HDGFL3: variants seen among roughly 807,000 people sequenced by gnomAD.
The protein encoded by HDGFL3 is HDGF like 3.
A neutral mutation model predicts 27.6 loss-of-function variants in HDGFL3; 6 were observed. That is an observed-to-expected ratio of 0.22 (90% CI 0.12 to 0.43). The LOEUF is 0.43. HDGFL3 is among the 20% of genes least tolerant of loss of function. HDGFL3 has a pLI of 1.00. For synonymous variants in HDGFL3, 88 were observed against 88.9 expected, an observed-to-expected ratio of 0.99 and a Z score of 0.05; for missense variants, 207 against 250.1, an observed-to-expected ratio of 0.83 and a Z score of 1.16.
rs565161431 is a variant in HDGFL3, at chr15:83,192,604, G to A, written c.84+14727C>T. Among the ~76,000 whole-genome samples the A allele has an allele frequency of 3.9e-5, 6 of 152,308 alleles. No individual in the cohort carries two copies. In the South Asian group the frequency reaches 1.2e-3, roughly 32 times the overall value. ...GGAACATAAATGTCCAGAAAAGACA[G>A]CATTTTTTGGATAATTTTTTCAGAA... On this transcript the variant is annotated intron_variant, in intron 1 of 5. Coordinates refer to ENST00000299633, the MANE Select transcript of HDGFL3 (RefSeq NM_016073.4).
downstream of HDGFL3, chr15:83,126,632 A>G (rs1332667697): frequency 1.4e-6 from 1 of 725,194 alleles, no homozygotes. Context: ...GAGCCTCTAC[A>G]ATGCATACGT....
intron 5 of HDGFL3, among the ~76,000 whole-genome samples, chr15:83,145,810 C>A (rs1329036385): frequency 2.1e-5 from 3 of 145,050 alleles, no homozygotes; most frequent in African/African-American, 7.6e-5. Flanking sequence ...TGCCAAAGAT[C>A]TTGTCTTCTA....
At position 83,151,737 on chromosome 15, in the gene HDGFL3, G is replaced by A. The variant is rs986611523; in HGVS notation, c.460-376C>T. Among the ~76,000 whole-genome samples the A allele has an allele frequency of 5.9e-5, 9 of 152,308 alleles. No homozygotes were observed. The South Asian group carries it at 1.9e-3, about 32-fold the overall frequency. On this transcript the variant is annotated intron_variant, in intron 4 of 5. Coordinates refer to ENST00000299633, the MANE Select transcript of HDGFL3 (RefSeq NM_016073.4). Reference sequence around the variant, plus strand: ...TGGAAGGTACCCTAAAGGTCATCTTGTCCTCCCCATCATTTTATAGTAGTG... The same window carrying A: ...TGGAAGGTACCCTAAAGGTCATCTTATCCTCCCCATCATTTTATAGTAGTG...
At chr15:83,202,295 T>C (rs748432543) in intron 1 of HDGFL3, among the ~76,000 whole-genome samples, 46 of 152,156 alleles carry the variant, frequency 3.0e-4, no homozygotes, top group Non-Finnish European at 6.3e-4. Flanking sequence ...CTTGAAGCTA[T>C]ATAAATAGGA....
chr15:83,189,012 C>T (rs914819294), intron 1 of HDGFL3, among the ~76,000 whole-genome samples: 3 of 152,086 alleles, frequency 2.0e-5, no homozygotes, highest in Non-Finnish European at 4.4e-5. Flanking sequence ...ATTTATTCCT[C>T]CCCCTCACAG....
intron 1 of HDGFL3, among the ~76,000 whole-genome samples, chr15:83,205,417 A>G (rs1388176795): frequency 6.6e-6 from 1 of 152,110 alleles, no homozygotes; most frequent in Admixed American, 6.6e-5. Flanking sequence ...CTAAAAACTT[A>G]ATTTTGTTTC....
At chr15:83,199,902 C>T (rs763376999) in intron 1 of HDGFL3, among the ~76,000 whole-genome samples, 8 of 151,478 alleles carry the variant, frequency 5.3e-5, no homozygotes, top group East Asian at 1.9e-4. Flanking sequence ...AAAAATTAGC[C>T]GGGCATGGTG....
At chr15:83,147,290 G>A (rs1312442180) in intron 5 of HDGFL3, among the ~76,000 whole-genome samples, 1 of 152,026 alleles carries the variant, frequency 6.6e-6, no homozygotes, top group Non-Finnish European at 1.5e-5. Flanking sequence ...TCGATCTCTT[G>A]ATCTCGTGAT....
intron 1 of HDGFL3, among the ~76,000 whole-genome samples, chr15:83,195,830 T>C (rs1349674035): frequency 2.0e-5 from 3 of 152,100 alleles, no homozygotes; most frequent in Non-Finnish European, 4.4e-5. Context: ...CATATACTTA[T>C]ATCTTAAAAC....
In HDGFL3 at chr15:83,181,576, A is replaced by G. The variant is rs1479108495; in HGVS notation, c.85-17501T>C. Among the ~76,000 whole-genome samples, 5 of 152,260 alleles carry G rather than the reference A, an allele frequency of 3.3e-5. No individual in the cohort carries two copies. In the East Asian group the frequency reaches 9.6e-4, roughly 29 times the overall value. The stretch of plus-strand genomic sequence containing the variant: ...CTGCAGCCTCCGCCTCCTGGGTTCA[A>G]GTGGTTCTCCTGCCTCAGCCTTCCG... On this transcript the variant is annotated intron_variant, in intron 1 of 5. Coordinates refer to ENST00000299633, the MANE Select transcript of HDGFL3 (RefSeq NM_016073.4).
chr15:83,192,267 C>A (rs1160867129), intron 1 of HDGFL3: 2 of 454,828 alleles, frequency 4.4e-6, no homozygotes, highest in Non-Finnish European at 8.8e-6. Flanking sequence ...TCTAAGGATA[C>A]AGATATGAAG....
At chr15:83,144,589 G>A (rs1162411654) in intron 5 of HDGFL3, 1 of 453,830 alleles carries the variant, frequency 2.2e-6, no homozygotes, top group Non-Finnish European at 4.4e-6. Flanking sequence ...GAGGCCTCTG[G>A]GAAACAACTC....
downstream of HDGFL3, chr15:83,126,770 C>T (rs1310511260): frequency 6.2e-7 from 1 of 1,612,556 alleles, no homozygotes; most frequent in Non-Finnish European, 8.5e-7. Flanking sequence ...TTTGGATTGC[C>T]CATCTGAGCT....
intron 3 of HDGFL3, among the ~76,000 whole-genome samples, chr15:83,119,373 T>C (rs995850861): frequency 6.6e-6 from 1 of 152,236 alleles, no homozygotes; most frequent in Admixed American, 6.5e-5. Flanking sequence ...ATTCTCTAAT[T>C]CCATCCTCTG....
At chr15:83,122,271 A>G (rs2035332172) in intron 3 of HDGFL3, among the ~76,000 whole-genome samples, 1 of 152,146 alleles carries the variant, frequency 6.6e-6, no homozygotes. Context: ...GGGAGTGAGT[A>G]TGGTGTTTAT....
chr15:83,129,521 T>G lies in HDGFL3; in HGVS notation c.*9749A>C, dbSNP rs914559204. The G allele has an allele frequency of 2.0e-5, 3 of 152,218 alleles. No individual in the cohort carries two copies. The highest frequency in any genetic ancestry group is 7.2e-5 in the African/African-American group (3 of 41,450). The allele number at this position is 152,218 out of a possible 1,614,324, so 9.4% of individuals were successfully genotyped here. On this transcript the variant is annotated 3_prime_UTR_variant, in exon 6 of 6. Coordinates refer to ENST00000299633, the MANE Select transcript of HDGFL3 (RefSeq NM_016073.4). ...AACCCCAATTTAAAGATGAGGAGGC[T>G]GAGGCTCAGTCCACCTGAAATTATT... is the stretch of plus-strand genomic sequence containing the variant.
At chr15:83,199,636 G>C (rs535970950) in intron 1 of HDGFL3, among the ~76,000 whole-genome samples, 5 of 152,154 alleles carry the variant, frequency 3.3e-5, no homozygotes, top group African/African-American at 1.2e-4. Context: ...TTCAGAATAT[G>C]AGTTTCAATG....
At chr15:83,204,302 G>A (rs2037689143) in intron 1 of HDGFL3, among the ~76,000 whole-genome samples, 1 of 151,810 alleles carries the variant, frequency 6.6e-6, no homozygotes, top group African/African-American at 2.4e-5. Context: ...GTACAGTTAA[G>A]GTAAGTACAT....
At chr15:83,127,509 T>C (rs2035875762), downstream of HDGFL3, 1 of 1,611,830 alleles carries the variant, frequency 6.2e-7, no homozygotes, top group Non-Finnish European at 8.5e-7. Context: ...GAAGGTTTAC[T>C]TGTGGTCTAG....
Sources: gnomAD v4.1 joint callset for allele counts (sites outside exome capture counted in the v4.1 genomes callset) on GRCh38, gnomAD v4.1.1 for gene constraint, MANE v1.5 for transcripts, NCBI Gene and HGNC (gene_info 2026-07-23, HGNC 2026-07-21) for gene names.